Variants in SLIT3 observed in about 807,000 individuals in gnomAD.
The protein encoded by SLIT3 is slit homolog 3 protein.
In SLIT3, 68 loss-of-function variants were observed where a neutral mutation model predicts 184.0. The ratio of observed to expected loss-of-function variants is 0.37; its 90% CI spans 0.30 to 0.45. The LOEUF (loss-of-function observed/expected upper bound fraction) is 0.45. SLIT3 is among the 20% of genes least tolerant of loss of function. The pLI is 1.00. For synonymous variants in SLIT3, 831 were observed against 828.6 expected (o/e 1.00, Z -0.05); for missense variants, 1,707 against 2,026.0 (o/e 0.84, Z 3.02).
chr5:169,281,910 A>G (rs1181286344), intron 1 of SLIT3, among the ~76,000 whole-genome samples: 1 of 152,192 alleles, frequency 6.6e-6, no homozygotes, highest in African/African-American at 2.4e-5. Context: ...GTCTGGAAAC[A>G]TTTTTGAGTT....
At chr5:169,098,334 C>T (rs1759871245) in intron 4 of SLIT3, among the ~76,000 whole-genome samples, 1 of 152,196 alleles carries the variant, frequency 6.6e-6, no homozygotes, top group Non-Finnish European at 1.5e-5. Context: ...ATACATGCAA[C>T]CGATAACTAT....
chr5:169,281,304 C>T (rs1766985049), intron 1 of SLIT3, among the ~76,000 whole-genome samples: 1 of 152,148 alleles, frequency 6.6e-6, no homozygotes, highest in African/African-American at 2.4e-5. Flanking sequence ...TGGTGAAACC[C>T]CGTCTCTACT....
chr5:168,705,529 A>ATCACCATCATCACCT (rs1203419864), intron 26 of SLIT3, among the ~76,000 whole-genome samples: 4 of 152,034 alleles, frequency 2.6e-5, no homozygotes, highest in African/African-American at 7.2e-5. Context: ...CACCGATACC[A>ATCACCATCATCACCT]TCACCATCAT....
chr5:169,129,538 C>T (rs887308863), intron 4 of SLIT3, among the ~76,000 whole-genome samples: 3 of 151,912 alleles, frequency 2.0e-5, no homozygotes, highest in Admixed American at 1.3e-4. Context: ...GGCAATAGAG[C>T]GAGACTCAGT....
intron 4 of SLIT3, among the ~76,000 whole-genome samples, chr5:169,183,919 T>G (rs1377924694): frequency 1.3e-5 from 2 of 152,176 alleles, no homozygotes; most frequent in Non-Finnish European, 2.9e-5. Context: ...TGGTTTTCTT[T>G]CCTTCTTAAA....
At chr5:168,736,921 G>C (rs6890424) in intron 20 of SLIT3, among the ~76,000 whole-genome samples, 1 of 152,028 alleles carries the variant, frequency 6.6e-6, no homozygotes, top group Non-Finnish European at 1.5e-5. Flanking sequence ...CAGTAGCTCC[G>C]GTTATCTCAC....
Position 169,011,192 on chromosome 5 carries a change from C to T in SLIT3, c.414-127856G>A, listed in dbSNP as rs188471839. ...CCAGCCTGGCCCAGGCTCCAGCATC[C>T]CAGAAATGACATCACCGAGTTCTGT... On this transcript the variant is annotated intron_variant, in intron 4 of 35. Coordinates refer to ENST00000519560, the MANE Select transcript of SLIT3 (RefSeq NM_003062.4). Among the ~76,000 whole-genome samples, 413 of 152,228 alleles carry T rather than the reference C, an allele frequency of 2.7e-3. 3 individuals carry two copies. The highest frequency in any genetic ancestry group is 9.5e-3 in the African/African-American group (395 of 41,528).
chr5:168,706,271 C>A (rs1046982231), intron 26 of SLIT3, among the ~76,000 whole-genome samples: 1 of 151,302 alleles, frequency 6.6e-6, no homozygotes, highest in African/African-American at 2.5e-5. Flanking sequence ...ACATTTGATT[C>A]TTACGGCAAA....
intron 14 of SLIT3, among the ~76,000 whole-genome samples, chr5:168,764,868 C>G (rs1561920079): frequency 6.6e-6 from 1 of 152,210 alleles, no homozygotes. Context: ...CCAGCTTCGT[C>G]CCTTTTGGTA....
chr5:168,940,400 A>T (rs1762292875), intron 4 of SLIT3, among the ~76,000 whole-genome samples: 1 of 152,206 alleles, frequency 6.6e-6, no homozygotes, highest in South Asian at 2.1e-4. Context: ...GAAGAACCAC[A>T]TCTCTGAACA....
At chr5:169,042,766 G>T (rs1268900503) in intron 4 of SLIT3, among the ~76,000 whole-genome samples, 1 of 152,168 alleles carries the variant, frequency 6.6e-6, no homozygotes, top group East Asian at 1.9e-4. Context: ...TTAAGTAGAG[G>T]TAAGAGATGA....
Position 168,994,623 on chromosome 5 carries a change from C to CTTTTTTTTTTTTT in SLIT3, c.414-111300_414-111288dup, listed in dbSNP as rs66498923. On this transcript the variant is annotated intron_variant, in intron 4 of 35. Transcript: ENST00000519560. ...ACATGTACCAGTGTCTGGCATTCTA[C>CTTTTTTTTTTTTT]TTTTTTTTTTTTTTTTTTTTTTTTT... is the stretch of plus-strand genomic sequence containing the variant. Among the ~76,000 whole-genome samples the CTTTTTTTTTTTTT allele has an allele frequency of 1.9e-4, 9 of 47,100 alleles. 3 individuals carry two copies. Among genetic ancestry groups the CTTTTTTTTTTTTT allele is most frequent in the East Asian group, 7.7e-4 (1 of 1,300 alleles). 30.9% of individuals were successfully genotyped at this position (47,100 alleles called of 152,430 possible). A position where few individuals can be genotyped will look rare whatever the true frequency, so the allele number is the denominator to read the frequency against.
intron 4 of SLIT3, among the ~76,000 whole-genome samples, chr5:169,148,212 G>GA (rs1202100559): frequency 6.6e-6 from 1 of 152,152 alleles, no homozygotes; most frequent in Non-Finnish European, 1.5e-5. Flanking sequence ...TGATGCCACT[G>GA]AAAAACCTCA....
At chr5:169,260,484 T>C (rs1335138002) in intron 1 of SLIT3, among the ~76,000 whole-genome samples, 1 of 152,186 alleles carries the variant, frequency 6.6e-6, no homozygotes, top group Non-Finnish European at 1.5e-5. Context: ...CGTTAGCTAG[T>C]TTTGCCAACA....
intron 16 of SLIT3, among the ~76,000 whole-genome samples, chr5:168,755,435 TTCTTTCTTTCTTTTTG>T (rs1232775922): frequency 1.8e-5 from 1 of 56,328 alleles, no homozygotes; most frequent in South Asian, 5.8e-4. Flanking sequence ...CTTTCTTTCT[TTCTTTCTTTCTTTTTG>T]AGACAGAATT....
intron 4 of SLIT3, among the ~76,000 whole-genome samples, chr5:168,916,711 T>C (rs1362653382): frequency 1.3e-5 from 2 of 152,252 alleles, no homozygotes; most frequent in East Asian, 1.9e-4. Flanking sequence ...ATCAATTCCA[T>C]TGATTTAGAT....
At position 169,156,757 on chromosome 5, in the gene SLIT3, T is replaced by C. The variant is rs1180051270; in HGVS notation, c.413+36722A>G. On this transcript the variant is annotated intron_variant, in intron 4 of 35. Coordinates refer to ENST00000519560, the MANE Select transcript of SLIT3 (RefSeq NM_003062.4). ...AAGCTATCTAGAGGACTTCTACTTA[T>C]GGAAAGATGGCGTAGATGTGCTTTT... is the stretch of plus-strand genomic sequence containing the variant. Among the ~76,000 whole-genome samples, 6 of 152,334 alleles carry C rather than the reference T, an allele frequency of 3.9e-5. No homozygotes were observed. In the East Asian group the frequency reaches 9.6e-4, roughly 24 times the overall value.
intron 5 of SLIT3, among the ~76,000 whole-genome samples, chr5:168,847,632 T>C (rs990839597): frequency 6.6e-6 from 1 of 152,196 alleles, no homozygotes; most frequent in African/African-American, 2.4e-5. Context: ...GGTTTCTTTT[T>C]CTTTGCAAAA....
intron 4 of SLIT3, among the ~76,000 whole-genome samples, chr5:169,074,466 C>T (rs1758664552): frequency 6.6e-6 from 1 of 152,040 alleles, no homozygotes; most frequent in Non-Finnish European, 1.5e-5. Context: ...AGTGTTTCTA[C>T]CTTCTATGCA....
Sources: allele counts gnomAD v4.1 joint callset (sites outside exome capture counted in the v4.1 genomes callset), GRCh38; gene constraint gnomAD v4.1.1; transcripts MANE v1.5; gene names NCBI Gene and HGNC (gene_info 2026-07-23, HGNC 2026-07-21).